ZFYVE28: variants seen among roughly 807,000 people sequenced by gnomAD.
ZFYVE28 encodes the protein zinc finger FYVE-type containing 28, also known as lateral signaling target protein 2 homolog.
A neutral mutation model predicts 82.1 loss-of-function variants in ZFYVE28; 40 were observed. That is an observed-to-expected ratio of 0.49 (90% CI 0.38 to 0.63). The LOEUF is 0.63. ZFYVE28 is among the 30% of genes least tolerant of loss of function. ZFYVE28 has a pLI of 0.00. For missense variants in ZFYVE28, 1,321 were observed against 1,242.1 expected (o/e 1.06, Z -0.96); for synonymous variants, 612 against 546.1 (o/e 1.12, Z -1.68).
At chr4:2,308,683 G>GAAAGAAAGAAAGAAAGA (rs1553830773) in intron 7 of ZFYVE28, among the ~76,000 whole-genome samples, 2 of 81,512 alleles carry the variant, frequency 2.5e-5, no homozygotes, top group East Asian at 2.8e-4. Context: ...GAAAGAGAAA[G>GAAAGAAAGAAAGAAAGA]AAAGAAAAGA....
chr4:2,406,487 C>G (rs1427530249), intron 1 of ZFYVE28: 4 of 152,306 alleles, frequency 2.6e-5, no homozygotes, highest in African/African-American at 9.6e-5. Context: ...CAGCAGGAAG[C>G]CATCCCCTCC....
intron 8 of ZFYVE28, among the ~76,000 whole-genome samples, chr4:2,294,437 T>A (rs2108813611): frequency 6.6e-6 from 1 of 152,290 alleles, no homozygotes; most frequent in East Asian, 1.9e-4. Context: ...TATACATGAG[T>A]TACTTCAAAT....
intron 2 of ZFYVE28, among the ~76,000 whole-genome samples, chr4:2,344,614 T>G (rs1016332448): frequency 6.6e-6 from 1 of 152,256 alleles, no homozygotes; most frequent in African/African-American, 2.4e-5. Flanking sequence ...TTACCAAGTT[T>G]GGCTGGGTGC....
In ZFYVE28 at chr4:2,318,806, G is replaced by A. The variant is rs186309019; in HGVS notation, c.803+1364C>T. On this transcript the variant is annotated intron_variant, in intron 7 of 12. Transcript: ENST00000290974. ...TGTAATCCCAACCCTTTGGAAGACC[G>A]AGGCCGGAGGAAAGCTTAAGCCTAG... is the stretch of plus-strand genomic sequence containing the variant. Among the ~76,000 whole-genome samples, 575 of 152,296 alleles carry A rather than the reference G, an allele frequency of 3.8e-3. 1 individual carries two copies. The highest frequency in any genetic ancestry group is 0.017 in the Middle Eastern group (5 of 294).
intron 6 of ZFYVE28, among the ~76,000 whole-genome samples, chr4:2,323,921 AT>A (rs1431562782): frequency 9.9e-5 from 15 of 151,774 alleles, no homozygotes; most frequent in Non-Finnish European, 1.8e-4. Flanking sequence ...TATGTGCCAC[AT>A]TTTCTTAATC....
At chr4:2,297,121 C>T (rs1207765421) in intron 8 of ZFYVE28, among the ~76,000 whole-genome samples, 1 of 152,240 alleles carries the variant, frequency 6.6e-6, no homozygotes, top group African/African-American at 2.4e-5. Flanking sequence ...AAGTGCCAGC[C>T]CAGCAGCAGG....
chr4:2,359,496 C>A (rs1416450208), intron 1 of ZFYVE28, among the ~76,000 whole-genome samples: 1 of 152,114 alleles, frequency 6.6e-6, no homozygotes, highest in Non-Finnish European at 1.5e-5. Flanking sequence ...ATCCAATATA[C>A]CTGGTGTCCT....
intron 1 of ZFYVE28, among the ~76,000 whole-genome samples, chr4:2,403,746 C>T (rs999463383): frequency 4.6e-5 from 7 of 152,048 alleles, no homozygotes; most frequent in Non-Finnish European, 8.8e-5. Context: ...AGGTGAATCA[C>T]CTGAGGTCAG....
At position 2,338,951 on chromosome 4, in the gene ZFYVE28, A is replaced by G. The variant is rs559239880; in HGVS notation, c.521+502T>C. 6.7e-4 allele frequency among the ~76,000 whole-genome samples: 101 copies of G among 151,864 alleles called. 1 individual carries two copies. The highest frequency in any genetic ancestry group is 2.3e-3 in the African/African-American group (96 of 41,376). ...GCGGTTCTCTTGCCTCAGCTTCCTG[A>G]GTGGCGCGCCACCAGGCCCGGCTAA... is the stretch of plus-strand genomic sequence containing the variant. On this transcript the variant is annotated intron_variant, in intron 4 of 12. Transcript: ENST00000290974.
rs545059201 is a variant in ZFYVE28, at chr4:2,397,836, C to T, written c.39+20449G>A. The stretch of plus-strand genomic sequence containing the variant: ...TATTCACCCACTGATGGACATGTGG[C>T]TATTCGGAATGACATTGCTGCAAAC... On this transcript the variant is annotated intron_variant, in intron 1 of 12. Transcript: ENST00000290974. 1.9e-4 allele frequency among the ~76,000 whole-genome samples: 29 copies of T among 152,292 alleles called. 1 individual carries two copies. The highest frequency in any genetic ancestry group is 1.8e-3 in the Admixed American group (27 of 15,306).
At position 2,418,250 on chromosome 4, in the gene ZFYVE28, C is replaced by G; in HGVS notation, c.39+35G>C. 1 of 1,528,304 alleles carries G rather than the reference C, an allele frequency of 6.5e-7. No homozygotes were observed. Among genetic ancestry groups the G allele is most frequent in the Non-Finnish European group, 8.8e-7 (1 of 1,136,672 alleles). 94.7% of individuals were successfully genotyped at this position (1,528,304 alleles called of 1,614,324 possible). ...GTCCTGGGGAAGGGAGAGGCCGCGACGCGGGGGGCGTCCGGCCCGAGCGGG... is the reference window on the plus strand; with the variant it reads ...GTCCTGGGGAAGGGAGAGGCCGCGAGGCGGGGGGCGTCCGGCCCGAGCGGG... On this transcript the variant is annotated intron_variant, in intron 1 of 12. Coordinates refer to ENST00000290974, the MANE Select transcript of ZFYVE28 (RefSeq NM_020972.3). The surrounding 1 kb of genome is among the most constrained non-coding windows in gnomAD (Gnocchi z 4.6).
At chr4:2,307,637 C>T (rs1716784959) in intron 7 of ZFYVE28, among the ~76,000 whole-genome samples, 1 of 151,986 alleles carries the variant, frequency 6.6e-6, no homozygotes, top group Admixed American at 6.6e-5. Context: ...TGCAGACCAC[C>T]GTATCTGGCT....
chr4:2,308,693 A>AAAAGG, intron 7 of ZFYVE28, among the ~76,000 whole-genome samples: 1 of 117,300 alleles, frequency 8.5e-6, no homozygotes, highest in African/African-American at 3.5e-5. Flanking sequence ...GAAAGAAAAG[A>AAAAGG]AAAGAAAAGA....
At chr4:2,281,099 G>A (rs541560127) in intron 8 of ZFYVE28, among the ~76,000 whole-genome samples, 2 of 152,344 alleles carry the variant, frequency 1.3e-5, no homozygotes, top group South Asian at 4.1e-4. Flanking sequence ...TCCCTGCCCT[G>A]GTTGGCTGGA....
At chr4:2,319,325 C>T (rs1251845307) in intron 7 of ZFYVE28, among the ~76,000 whole-genome samples, 1 of 152,172 alleles carries the variant, frequency 6.6e-6, no homozygotes, top group African/African-American at 2.4e-5. Flanking sequence ...AACCAAGCAC[C>T]CCTGCCCCTG....
At chr4:2,288,276 C>T (rs1333364029) in intron 8 of ZFYVE28, among the ~76,000 whole-genome samples, 2 of 152,212 alleles carry the variant, frequency 1.3e-5, no homozygotes, top group Non-Finnish European at 2.9e-5. Context: ...TCCTAAGCCC[C>T]CCTGTGGCCC....
intron 8 of ZFYVE28, among the ~76,000 whole-genome samples, chr4:2,289,892 G>GCC (rs1228009732): frequency 2.7e-5 from 4 of 148,982 alleles, no homozygotes; most frequent in Middle Eastern, 3.2e-3. Context: ...GTTCCCCTGA[G>GCC]CCCCCGATCC....
At chr4:2,321,087 C>T (rs549268614) in intron 6 of ZFYVE28, among the ~76,000 whole-genome samples, 1 of 152,134 alleles carries the variant, frequency 6.6e-6, no homozygotes, top group Non-Finnish European at 1.5e-5. Context: ...GGTGCCTCCT[C>T]CTGGGTCTCT....
chr4:2,397,598 T>C (rs775936569), intron 1 of ZFYVE28, among the ~76,000 whole-genome samples: 17 of 152,028 alleles, frequency 1.1e-4, no homozygotes, highest in Non-Finnish European at 2.5e-4. Flanking sequence ...TCCCCTCCCC[T>C]GGCCCCCACC....
Sources: gnomAD v4.1 joint callset for allele counts (sites outside exome capture counted in the v4.1 genomes callset) on GRCh38, gnomAD v4.1.1 for gene constraint, Gnocchi (gnomAD v3.1) non-coding constraint, MANE v1.5 for transcripts, NCBI Gene and HGNC (gene_info 2026-07-23, HGNC 2026-07-21) for gene names.